Variants in CARD19 observed in about 807,000 individuals in gnomAD.
CARD19 encodes caspase recruitment domain family member 19, also known as caspase recruitment domain-containing protein 19.
A neutral mutation model predicts 24.1 loss-of-function variants in CARD19; 25 were observed. That is an observed-to-expected ratio of 1.04 (90% CI 0.76 to 1.45). The LOEUF (loss-of-function observed/expected upper bound fraction) is 1.45, where lower values mean the gene tolerates loss of function less well. Ranked by LOEUF, CARD19 falls within the 40% of genes most tolerant of loss-of-function variation. The pLI is 0.00. For missense variants in CARD19, 241 were observed against 247.4 expected (o/e 0.97, Z 0.17); for synonymous variants, 103 against 104.9 (o/e 0.98, Z 0.11).
chr9:93,111,593 A>G (rs1316533863), intron 3 of CARD19: 2 of 1,276,350 alleles, frequency 1.6e-6, no homozygotes, highest in Admixed American at 7.4e-5. Flanking sequence ...AGCCACGAGT[A>G]TGCCACAGGG....
chr9:93,107,364 C>A (rs1827300546), intron 1 of CARD19, among the ~76,000 whole-genome samples: 1 of 152,266 alleles, frequency 6.6e-6, no homozygotes, highest in Non-Finnish European at 1.5e-5. Context: ...GATGGCCCTG[C>A]AGGTGGCCCA....
In CARD19 at chr9:93,096,226, C is replaced by A. The variant is rs548719471; in HGVS notation, c.-120C>A. On this transcript the variant is annotated 5_prime_UTR_variant, in exon 1 of 6. Coordinates refer to ENST00000375464, the MANE Select transcript of CARD19 (RefSeq NM_032310.5). The surrounding 1 kb of genome is among the most constrained non-coding windows in gnomAD (Gnocchi z 5.4). ...GGGGGGCTGGCCTAGCCAAAAGGGG[C>A]GGGCGAGCACGGCCCGCGGGCGGCG... is the stretch of plus-strand genomic sequence containing the variant. 9 of 1,074,570 alleles carry A rather than the reference C, an allele frequency of 8.4e-6. No homozygotes were observed. Among genetic ancestry groups the A allele is most frequent in the African/African-American group, 1.6e-5 (1 of 60,920 alleles). 66.6% of individuals were successfully genotyped at this position (1,074,570 alleles called of 1,614,324 possible). A position where few individuals can be genotyped will look rare whatever the true frequency, so the allele number is the denominator to read the frequency against.
intron 1 of CARD19, among the ~76,000 whole-genome samples, chr9:93,098,198 G>A (rs1258287697): frequency 6.6e-6 from 1 of 152,264 alleles, no homozygotes; most frequent in East Asian, 1.9e-4. Context: ...AAATTCGGGA[G>A]AGGAGGTTGA....
intron 1 of CARD19, among the ~76,000 whole-genome samples, chr9:93,098,355 C>T (rs916305060): frequency 2.0e-5 from 3 of 152,196 alleles, no homozygotes; most frequent in Admixed American, 6.5e-5. Flanking sequence ...TCTTGTGGGC[C>T]TAGAGGGCCC....
At chr9:93,105,869 C>G (rs1168838935) in intron 1 of CARD19, among the ~76,000 whole-genome samples, 1 of 152,118 alleles carries the variant, frequency 6.6e-6, no homozygotes, top group African/African-American at 2.4e-5. Context: ...CCTCATTTAT[C>G]TTCTGTCTAG....
In CARD19 at chr9:93,111,943, C is replaced by A; in HGVS notation, c.364+5C>A. The A allele has an allele frequency of 1.9e-6, 3 of 1,609,976 alleles. No homozygotes were observed. Among genetic ancestry groups the A allele is most frequent in the Non-Finnish European group, 2.5e-6 (3 of 1,179,060 alleles). ...GCGGCGAGCTGAGTAACAGGGGTAA[C>A]ACCTCCCTGCTGCCCCTCCCTCTCT... On this transcript the variant is annotated splice_donor_5th_base_variant and intron_variant, in intron 4 of 5. Transcript: ENST00000375464.
chr9:93,112,063 T>C lies in CARD19; in HGVS notation c.364+125T>C, dbSNP rs115062019. 3.4e-3 allele frequency: 4,608 copies of C among 1,373,604 alleles called. 127 individuals carry two copies. In the African/African-American group the frequency reaches 0.071, roughly 21 times the overall value. 85.1% of individuals were successfully genotyped at this position (1,373,604 alleles called of 1,614,324 possible). On this transcript the variant is annotated intron_variant, in intron 4 of 5. Transcript: ENST00000375464. ...AAGTCTGGCTCCATTCCTGGCCTTC[T>C]GTTGGTGACAGACCCCCCCCCTAAG... is the stretch of plus-strand genomic sequence containing the variant.
At position 93,096,477 on chromosome 9, in the gene CARD19, T is replaced by C; in HGVS notation, c.7+125T>C. The C allele has an allele frequency of 4.4e-6, 4 of 913,846 alleles. No individual in the cohort carries two copies. Among genetic ancestry groups the C allele is most frequent in the Non-Finnish European group, 5.7e-6 (4 of 702,280 alleles). 56.6% of individuals were successfully genotyped at this position (913,846 alleles called of 1,614,324 possible). Reference sequence around the variant, plus strand: ...CTGGGCAGCGGGGGCCGAGTGACCTTGGCCCGTCAGCTGTCGGTGGTGCGC... The same window carrying C: ...CTGGGCAGCGGGGGCCGAGTGACCTCGGCCCGTCAGCTGTCGGTGGTGCGC... On this transcript the variant is annotated intron_variant, in intron 1 of 5. Transcript: ENST00000375464. This position sits in a 1 kb window ranked among gnomAD's most constrained non-coding sequence, Gnocchi z 5.4.
chr9:93,105,283 T>TTTTG (rs914929589), intron 1 of CARD19, among the ~76,000 whole-genome samples: 5 of 151,962 alleles, frequency 3.3e-5, no homozygotes, highest in African/African-American at 9.7e-5. Flanking sequence ...CCCATTGGTT[T>TTTTG]TTTGTTTGTT....
intron 3 of CARD19, chr9:93,110,953 T>G: frequency 6.6e-7 from 1 of 1,522,088 alleles, no homozygotes; most frequent in Non-Finnish European, 8.8e-7. Flanking sequence ...TTTCTCCCCC[T>G]TCCTCCGTCT....
At chr9:93,105,414 G>C (rs1827219473) in intron 1 of CARD19, among the ~76,000 whole-genome samples, 1 of 152,136 alleles carries the variant, frequency 6.6e-6, no homozygotes, top group Non-Finnish European at 1.5e-5. Context: ...CCAGGTAGCT[G>C]GGATTACAAG....
chr9:93,112,908 AC>A (rs1827556441), intron 5 of CARD19, 83 bp from the exon 6 acceptor site: 11 of 924,990 alleles, frequency 1.2e-5, no homozygotes, highest in Non-Finnish European at 1.6e-5. Flanking sequence ...GCCTGTTCCC[AC>A]CCACCCCCGC....
intron 3 of CARD19, chr9:93,111,672 G>C: frequency 7.2e-7 from 1 of 1,383,444 alleles, no homozygotes; most frequent in Non-Finnish European, 9.3e-7. Context: ...TGGCTCCCGG[G>C]TGCCTTTAGG....
intron 2 of CARD19, 28 bp from the exon 3 acceptor site, chr9:93,110,540 C>T (rs1158077101): frequency 5.1e-6 from 8 of 1,565,758 alleles, no homozygotes; most frequent in East Asian, 2.3e-5. Context: ...CTGGCCTGAT[C>T]TTCCCTGGCA....
Position 93,096,985 on chromosome 9 carries a change from GGC to G in CARD19, c.7+634_7+635del, listed in dbSNP as rs1252897965. 2.6e-5 allele frequency among the ~76,000 whole-genome samples: 4 copies of G among 152,152 alleles called. No individual in the cohort carries two copies. The highest frequency in any genetic ancestry group is 4.4e-5 in the Non-Finnish European group (3 of 68,016). Reference sequence around the variant, plus strand: ...CAAGGTTGTTGTGCTCCACGCTAGTGGCCCCAGCCCAGCCTTCCTCCCCAGGG... The same window carrying G: ...CAAGGTTGTTGTGCTCCACGCTAGTGCCCAGCCCAGCCTTCCTCCCCAGGG... On this transcript the variant is annotated intron_variant, in intron 1 of 5. Coordinates refer to ENST00000375464, the MANE Select transcript of CARD19 (RefSeq NM_032310.5). This position sits in a 1 kb window ranked among gnomAD's most constrained non-coding sequence, Gnocchi z 5.4.
intron 1 of CARD19, among the ~76,000 whole-genome samples, chr9:93,097,566 A>G (rs1337272425): frequency 1.3e-5 from 2 of 152,156 alleles, no homozygotes; most frequent in Non-Finnish European, 2.9e-5. Context: ...TGCCCTGCCC[A>G]GGCTGGGATT....
intron 1 of CARD19, among the ~76,000 whole-genome samples, chr9:93,107,327 ACCTTC>A (rs1827299860): frequency 6.6e-6 from 1 of 152,162 alleles, no homozygotes; most frequent in Non-Finnish European, 1.5e-5. Flanking sequence ...TGCCACCTGT[ACCTTC>A]CCCAGAACTG....
Position 93,102,022 on chromosome 9 carries a change from C to T in CARD19, c.8-5652C>T, listed in dbSNP as rs150007188. Among the ~76,000 whole-genome samples the T allele has an allele frequency of 3.4e-5, 5 of 148,966 alleles. No individual in the cohort carries two copies. The East Asian group carries it at 6.0e-4, about 18-fold the overall frequency. On this transcript the variant is annotated intron_variant, in intron 1 of 5. Coordinates refer to ENST00000375464, the MANE Select transcript of CARD19 (RefSeq NM_032310.5). ...TGTTTCCCAGACTGGAGTGCAGTGGCGCCATCTCGGCTAACTGCAACTTCC... is the reference window on the plus strand; with the variant it reads ...TGTTTCCCAGACTGGAGTGCAGTGGTGCCATCTCGGCTAACTGCAACTTCC...
intron 1 of CARD19, among the ~76,000 whole-genome samples, chr9:93,101,765 T>C (rs1190898874): frequency 6.6e-6 from 1 of 151,856 alleles, no homozygotes; most frequent in Non-Finnish European, 1.5e-5. Flanking sequence ...GTTTAGATTT[T>C]TGAGGACCTG....
Sources: allele counts gnomAD v4.1 joint callset (sites outside exome capture counted in the v4.1 genomes callset), GRCh38; gene constraint gnomAD v4.1.1; non-coding constraint Gnocchi (gnomAD v3.1); transcripts MANE v1.5; gene names NCBI Gene and HGNC (gene_info 2026-07-23, HGNC 2026-07-21).